CCNY: variants seen among roughly 807,000 people sequenced by gnomAD.
CCNY encodes the protein cyclin-Y.
A neutral mutation model predicts 42.8 loss-of-function variants in CCNY; 19 were observed. That is an observed-to-expected ratio of 0.44 (90% CI 0.31 to 0.65). The LOEUF (loss-of-function observed/expected upper bound fraction) is 0.65. CCNY is among the 30% of genes least tolerant of loss of function. CCNY has a pLI of 0.07. For missense variants in CCNY, 370 were observed against 437.3 expected (o/e 0.85, Z 1.37); for synonymous variants, 165 against 162.7 (o/e 1.01, Z -0.11).
rs368209050 is a variant in CCNY, at chr10:35,290,222, TCACACACACACACACACA to T, written c.-9+39621_-9+39638del. On this transcript the variant is annotated intron_variant, in intron 3 of 11. Coordinates refer to the CCNY transcript ENST00000374706. ...GCCTGGGCAACACAGCAAGACTCCA[TCACACACACACACACACA>T]CACACACACACACACACACACACAA... 7.3e-5 allele frequency among the ~76,000 whole-genome samples: 9 copies of T among 122,960 alleles called. No individual in the cohort carries two copies. The South Asian group carries it at 2.1e-3, about 29-fold the overall frequency. The allele number at this position is 122,960 out of a possible 152,430, so 80.7% of individuals were successfully genotyped here.
intron 1 of CCNY, among the ~76,000 whole-genome samples, chr10:35,432,996 A>C (rs1420596429): frequency 6.6e-6 from 1 of 152,196 alleles, no homozygotes; most frequent in East Asian, 1.9e-4. Context: ...TGGTTTTACC[A>C]GCTGAGTGAG....
At chr10:35,356,364 G>C (rs184285277) in intron 1 of CCNY, among the ~76,000 whole-genome samples, 2 of 152,278 alleles carry the variant, frequency 1.3e-5, no homozygotes, top group African/African-American at 4.8e-5. Flanking sequence ...TGCTTTGTTG[G>C]TCAAAATCCG....
intron 1 of CCNY, among the ~76,000 whole-genome samples, chr10:35,340,992 T>G (rs1836167602): frequency 6.6e-6 from 1 of 152,144 alleles, no homozygotes; most frequent in African/African-American, 2.4e-5. Flanking sequence ...GCCCACCTGG[T>G]CTCCCTGCTT....
chr10:35,324,717 A>T (rs1835859430), intron 3 of CCNY, among the ~76,000 whole-genome samples: 3 of 152,154 alleles, frequency 2.0e-5, no homozygotes, highest in Admixed American at 6.5e-5. Flanking sequence ...CCAATAAGGA[A>T]TTTTTTTTAA....
At chr10:35,426,449 G>T (rs1375718973) in intron 1 of CCNY, among the ~76,000 whole-genome samples, 2 of 152,200 alleles carry the variant, frequency 1.3e-5, no homozygotes, top group Non-Finnish European at 2.9e-5. Flanking sequence ...TTTAGTGTTG[G>T]TGCACATAGT....
chr10:35,493,672 C>T (rs1332136979), intron 2 of CCNY, among the ~76,000 whole-genome samples: 1 of 152,218 alleles, frequency 6.6e-6, no homozygotes, highest in African/African-American at 2.4e-5. Context: ...ATCCAACACT[C>T]TCCACATAAT....
chr10:35,329,516 T>G (rs1835917083), intron 3 of CCNY, among the ~76,000 whole-genome samples: 1 of 152,214 alleles, frequency 6.6e-6, no homozygotes, highest in South Asian at 2.1e-4. Context: ...ATACAATATA[T>G]TTTGCAGTCA....
intron 3 of CCNY, among the ~76,000 whole-genome samples, chr10:35,513,497 T>C (rs974992858): frequency 6.6e-6 from 1 of 152,238 alleles, no homozygotes; most frequent in African/African-American, 2.4e-5. Context: ...GTTGCTTTTT[T>C]GACCTGTTTA....
chr10:35,561,220 C>T (rs1035942942), intron 8 of CCNY, among the ~76,000 whole-genome samples: 2 of 152,128 alleles, frequency 1.3e-5, no homozygotes, highest in Non-Finnish European at 2.9e-5. Context: ...TTTTTCATCC[C>T]CAAGTGGGAA....
intron 3 of CCNY, among the ~76,000 whole-genome samples, chr10:35,265,966 A>C (rs1435557297): frequency 6.6e-6 from 1 of 152,188 alleles, no homozygotes; most frequent in African/African-American, 2.4e-5. Context: ...AAGCACAATT[A>C]TTTGAAAATT....
At chr10:35,560,887 T>G (rs1039804463) in intron 8 of CCNY, among the ~76,000 whole-genome samples, 2 of 152,174 alleles carry the variant, frequency 1.3e-5, no homozygotes, top group Admixed American at 1.3e-4. Flanking sequence ...GGGAAAATCA[T>G]GACTCCTCGG....
At chr10:35,494,243 C>CCT (rs1554794908) in intron 2 of CCNY, among the ~76,000 whole-genome samples, 16 of 146,002 alleles carry the variant, frequency 1.1e-4, no homozygotes, top group East Asian at 2.0e-4. Flanking sequence ...GACCCCCCCC[C>CCT]CCATTTCTAC....
chr10:35,480,064 C>T (rs1022086794), intron 1 of CCNY, among the ~76,000 whole-genome samples: 1 of 151,794 alleles, frequency 6.6e-6, no homozygotes, highest in Admixed American at 6.6e-5. Context: ...CCATAGTTTT[C>T]TTCAAGATCT....
At chr10:35,388,581 T>G (rs1295122578) in intron 1 of CCNY, among the ~76,000 whole-genome samples, 3 of 152,218 alleles carry the variant, frequency 2.0e-5, no homozygotes, top group Non-Finnish European at 4.4e-5. Flanking sequence ...ATGGAATGAG[T>G]ATTCTCTTTT....
At chr10:35,514,532 G>T (rs1253126841) in intron 3 of CCNY, among the ~76,000 whole-genome samples, 2 of 152,100 alleles carry the variant, frequency 1.3e-5, no homozygotes, top group African/African-American at 4.8e-5. Flanking sequence ...ACTCACAAAG[G>T]TTACTTCCTA....
chr10:35,362,963 G>C (rs929246426), intron 1 of CCNY, among the ~76,000 whole-genome samples: 5 of 151,628 alleles, frequency 3.3e-5, no homozygotes, highest in Admixed American at 6.6e-5. Context: ...GTACAGAGGC[G>C]CTCCTCACTT....
chr10:35,425,815 C>T (rs1838252725), intron 1 of CCNY, among the ~76,000 whole-genome samples: 1 of 152,150 alleles, frequency 6.6e-6, no homozygotes, highest in South Asian at 2.1e-4. Flanking sequence ...AGATGTATTG[C>T]TTTTGCAATC....
At chr10:35,374,035 T>C (rs190521858) in intron 1 of CCNY, among the ~76,000 whole-genome samples, 1 of 152,224 alleles carries the variant, frequency 6.6e-6, no homozygotes, top group Non-Finnish European at 1.5e-5. Flanking sequence ...AAATGACACA[T>C]AATAAGGTGT....
chr10:35,511,226 C>T (rs1840318804), intron 3 of CCNY, among the ~76,000 whole-genome samples: 1 of 152,164 alleles, frequency 6.6e-6, no homozygotes, highest in Admixed American at 6.5e-5. Flanking sequence ...ACTCTAGTCC[C>T]GGGATGGAGC....
Sources: gnomAD v4.1 joint callset for allele counts (sites outside exome capture counted in the v4.1 genomes callset) on GRCh38, gnomAD v4.1.1 for gene constraint, MANE v1.5 for transcripts, NCBI Gene and HGNC (gene_info 2026-07-23, HGNC 2026-07-21) for gene names.